ZG16B: variants seen among roughly 807,000 people sequenced by gnomAD.
ZG16B encodes zymogen granule protein 16B.
Under a neutral mutation model 7.0 loss-of-function variants are expected in ZG16B, and 8 were observed. The observed-to-expected ratio is 1.15, with a 90% CI of 0.68 to 2.08. The LOEUF (loss-of-function observed/expected upper bound fraction) is 2.08, where lower values mean the gene tolerates loss of function less well. Among genes scored for constraint, ZG16B ranks in the 30% most tolerant of loss-of-function variants. The probability of loss-of-function intolerance (pLI) is 0.00; values close to 1 mark genes in which losing one functional copy is unlikely to be tolerated. For synonymous variants in ZG16B, 92 were observed against 86.1 expected, an observed-to-expected ratio of 1.07 and a Z score of -0.38; for missense variants, 232 against 211.0, an observed-to-expected ratio of 1.10 and a Z score of -0.62.
chr16:2,831,033 C>T (rs538377432), intron 3 of ZG16B: 1 of 490,324 alleles, frequency 2.0e-6, no homozygotes, highest in African/African-American at 1.9e-5. Context: ...CCTCTGTCCC[C>T]ATGCCTGATA....
At chr16:2,831,593 G>A (rs536175230) in intron 3 of ZG16B, among the ~76,000 whole-genome samples, 2 of 152,346 alleles carry the variant, frequency 1.3e-5, no homozygotes, top group South Asian at 2.1e-4. Context: ...AACTGAGTCC[G>A]GAGAGGCTGG....
rs77092349 is a variant in ZG16B at position 2,830,475 on chromosome 16, G to T, written c.34G>T (p.Gly12Cys). 2,913 of 1,598,214 alleles carry T rather than the reference G, an allele frequency of 1.8e-3. 50 individuals carry two copies. The African/African-American group carries it at 0.036, about 20-fold the overall frequency. The stretch of plus-strand genomic sequence containing the variant: ...GCTGCTCACGCTTGCCCTCCTGGGG[G>T]GCCCCACCTGGGCAGGGAGTAAGTC... ...LLLLTLALLG[G>C]PTWAGKMYGP... The change falls in exon 2 of 4, where the codon GGC (glycine) becomes TGC (cysteine). Residue 12 changes from glycine (G) to cysteine (C), a missense_variant. By Grantham distance (159) the Gly-to-Cys change is radical. Transcript: ENST00000382280.
Position 2,832,147 on chromosome 16 carries a change from C to T in ZG16B, c.507C>T (p.Pro169=), listed in dbSNP as rs763268490. The T allele has an allele frequency of 8.7e-6, 14 of 1,611,776 alleles. No individual in the cohort carries two copies. The highest frequency in any genetic ancestry group is 1.1e-5 in the South Asian group (1 of 91,030). ...PVNLTYSANS[P]VGR is the part of the protein sequence containing the mutation. ...ATCTCACATACTCAGCAAACTCACC[C>T]GTGGGTCGCTAGGGTGGGGTATGGG... Residue 169 remains proline (P), a synonymous_variant, in exon 4 of 4, where the codon CCC becomes CCT. Transcript: ENST00000382280.
At chr16:2,830,613 T>TG in intron 2 of ZG16B, 81 bp from the exon 3 acceptor site, 5 of 1,591,876 alleles carry the variant, frequency 3.1e-6, no homozygotes, top group Non-Finnish European at 4.3e-6. Context: ...CCTGGAGGGG[T>TG]GGGGTCCCCT....
At chr16:2,830,570 A>G in intron 2 of ZG16B, 77 bp downstream of exon 2, 2 of 1,581,928 alleles carry the variant, frequency 1.3e-6, no homozygotes, top group Non-Finnish European at 1.7e-6. Context: ...CCCTTGTCCC[A>G]GACTAACTCT....
chr16:2,830,956 G>C lies in ZG16B; in HGVS notation c.155+160G>C, dbSNP rs551193040. 7 of 725,794 alleles carry C rather than the reference G, an allele frequency of 9.6e-6. No individual in the cohort carries two copies. In the Admixed American group the frequency reaches 1.6e-4, roughly 17 times the overall value. The allele number at this position is 725,794 out of a possible 1,614,324, so 45.0% of individuals were successfully genotyped here. ...CCCGCTGATGCTTCCTGGCTGGAGC[G>C]GAGACGGTCAGACCGTCCTCCCTAC... On this transcript the variant is annotated intron_variant, in intron 3 of 3. Transcript: ENST00000382280.
At chr16:2,831,499 C>T (rs554176213) in intron 3 of ZG16B, among the ~76,000 whole-genome samples, 12 of 152,346 alleles carry the variant, frequency 7.9e-5, no homozygotes, top group Non-Finnish European at 1.5e-4. Flanking sequence ...TTCTGGGTCA[C>T]GGAGACCTGG....
At chr16:2,831,578 G>A (rs938022031) in intron 3 of ZG16B, among the ~76,000 whole-genome samples, 6 of 152,182 alleles carry the variant, frequency 3.9e-5, no homozygotes, top group African/African-American at 1.4e-4. Context: ...CTTTGCAGAC[G>A]GGGAAACTGA....
rs1488145965 is a variant in ZG16B at position 2,830,827 on chromosome 16, C to G, written c.155+31C>G. 6 of 1,609,622 alleles carry G rather than the reference C, an allele frequency of 3.7e-6. No homozygotes were observed. In the South Asian group the frequency reaches 5.5e-5, roughly 15 times the overall value. On this transcript the variant is annotated intron_variant, in intron 3 of 3. Coordinates refer to ENST00000382280, the MANE Select transcript of ZG16B (RefSeq NM_145252.3). ...TAGGGCTATGGTCATGGGCCCAGCGCCATGTCCCCTCCCATCCCACAGTTT... is the reference window on the plus strand; with the variant it reads ...TAGGGCTATGGTCATGGGCCCAGCGGCATGTCCCCTCCCATCCCACAGTTT...
At chr16:2,830,648 T>A (rs1325966538) in intron 2 of ZG16B, 46 bp from the exon 3 acceptor site, 1 of 1,602,370 alleles carries the variant, frequency 6.2e-7, no homozygotes, top group African/African-American at 1.3e-5. Flanking sequence ...CACCCCCATA[T>A]CACCGCATGG....
rs571641627 is a variant in ZG16B, at chr16:2,831,797, G to A, written c.157G>A (p.Val53Ile). 3.2e-5 allele frequency: 51 copies of A among 1,610,496 alleles called. 1 individual carries two copies. Among genetic ancestry groups the A allele is most frequent in the Middle Eastern group, 3.5e-4 (2 of 5,754 alleles). The change falls in exon 4 of 4, where the codon GTC (valine) becomes ATC (isoleucine). Residue 53 changes from valine (V) to isoleucine (I), a missense_variant and splice_region_variant. Transcript: ENST00000382280. ...VSVGLLLVKS[V>I]QVKLGDSWDV... ...TCCAAAGCTTTGCCTCTCTCCCAGT[G>A]TCCAGGTGAAACTTGGAGACTCCTG... is the stretch of plus-strand genomic sequence containing the variant.
At position 2,830,782 on chromosome 16, in the gene ZG16B, TCTC is replaced by T. The variant is rs140139202; in HGVS notation, c.144_146del (p.Leu49del). The T allele has an allele frequency of 1.4e-3, 2,308 of 1,614,084 alleles. 21 individuals carry two copies. In the African/African-American group the frequency reaches 0.023, roughly 16 times the overall value. On this transcript the variant is annotated inframe_deletion, in exon 3 of 4. Transcript: ENST00000382280. ...CAGGGCTGCGGGTGTCTGTAGGTCT[TCTC>T]CTGGTGAAAAGGTGAGTAGGGCTAT...
chr16:2,830,912 C>A (rs772401407), intron 3 of ZG16B, 116 bp downstream of exon 3: 1 of 995,588 alleles, frequency 1.0e-6, no homozygotes, highest in Non-Finnish European at 1.5e-6. Context: ...TGCCTGGCTA[C>A]TGTCGATGCT....
chr16:2,831,949 G>C lies in ZG16B; in HGVS notation c.309G>C (p.Lys103Asn). The change falls in exon 4 of 4, where the codon AAG (lysine) becomes AAC (asparagine). Residue 103 changes from lysine (K) to asparagine (N), a missense_variant. Lys to Asn is a moderately conservative substitution (Grantham distance 94, BLOSUM62 0). Coordinates refer to ENST00000382280, the MANE Select transcript of ZG16B (RefSeq NM_145252.3). ...GGGGTATGGTCATGTACACCAGCAA[G>C]GACCGCTATTTCTATTTTGGGAAGC... ...FLRGMVMYTS[K>N]DRYFYFGKLD... 6.2e-7 allele frequency: 1 copy of C among 1,614,158 alleles called. No homozygotes were observed. Among genetic ancestry groups the C allele is most frequent in the Non-Finnish European group, 8.5e-7 (1 of 1,180,040 alleles).
intron 3 of ZG16B, chr16:2,831,032 C>G (rs765334167): frequency 2.6e-5 from 13 of 492,410 alleles, no homozygotes; most frequent in Non-Finnish European, 4.8e-5. Context: ...CCCTCTGTCC[C>G]CATGCCTGAT....
chr16:2,830,403 T>C lies in ZG16B; in HGVS notation c.-27-12T>C. The C allele has an allele frequency of 1.9e-6, 3 of 1,605,052 alleles. No individual in the cohort carries two copies. Among genetic ancestry groups the C allele is most frequent in the African/African-American group, 1.3e-5 (1 of 74,886 alleles). On this transcript the variant is annotated splice_polypyrimidine_tract_variant and intron_variant, in intron 1 of 3. Transcript: ENST00000382280. ...TTGCTTTGGAGTCAGGAGGCCTCTC[T>C]TCTTCCCACAGAGCCCTGGGATGCA... is the stretch of plus-strand genomic sequence containing the variant.
In ZG16B at chr16:2,830,730, C is replaced by A; in HGVS notation, c.89C>A (p.Thr30Asn). The change falls in exon 3 of 4, where the codon ACC becomes AAC. Residue 30 changes from threonine to asparagine, a missense_variant. Coordinates refer to ENST00000382280, the MANE Select transcript of ZG16B (RefSeq NM_145252.3). ...CCTGGAGGAGGCAAGTATTTCAGCA[C>A]CACTGAAGACTACGACCATGAAATC... ...YGPGGGKYFSTTEDYDHEITG... is the reference protein window; with the variant it reads ...YGPGGGKYFSNTEDYDHEITG... 1.2e-6 allele frequency: 2 copies of A among 1,614,230 alleles called. No homozygotes were observed. Among genetic ancestry groups the A allele is most frequent in the Non-Finnish European group, 1.7e-6 (2 of 1,180,034 alleles).
At chr16:2,830,584 C>A in intron 2 of ZG16B, 91 bp downstream of exon 2, 1 of 1,581,660 alleles carries the variant, frequency 6.3e-7, no homozygotes, top group South Asian at 1.2e-5. Flanking sequence ...TAACTCTGGT[C>A]ACAGAACCAT....
intron 3 of ZG16B, chr16:2,831,086 CAGG>C: frequency 2.6e-6 from 1 of 380,972 alleles, no homozygotes; most frequent in South Asian, 2.8e-5. Flanking sequence ...TCAAAGAAGA[CAGG>C]AGGTAAGGGT....
Sources: allele counts gnomAD v4.1 joint callset (sites outside exome capture counted in the v4.1 genomes callset), GRCh38; gene constraint gnomAD v4.1.1; transcripts MANE v1.5; gene names NCBI Gene and HGNC (gene_info 2026-07-23, HGNC 2026-07-21).